The following ARHGAP26 variants were observed in gnomAD, a reference collection of about 807,000 sequenced individuals.
ARHGAP26 encodes the protein rho GTPase-activating protein 26.
In ARHGAP26, 38 loss-of-function variants were observed where a neutral mutation model predicts 104.8. The ratio of observed to expected loss-of-function variants is 0.36; its 90% CI spans 0.28 to 0.48. The LOEUF (loss-of-function observed/expected upper bound fraction) is 0.48, where lower values mean the gene tolerates loss of function less well. Among genes scored for constraint, ARHGAP26 ranks in the 20% least tolerant of loss-of-function variants. ARHGAP26 has a pLI of 0.99. For synonymous variants in ARHGAP26, 341 were observed against 340.0 expected, an observed-to-expected ratio of 1.00 and a Z score of -0.03; for missense variants, 704 against 947.9, an observed-to-expected ratio of 0.74 and a Z score of 3.38.
chr5:142,942,744 C>G (rs138589979), intron 11 of ARHGAP26, among the ~76,000 whole-genome samples: 6 of 152,252 alleles, frequency 3.9e-5, no homozygotes, highest in African/African-American at 1.4e-4. Flanking sequence ...TGATTAATGT[C>G]TGTCTGCCTG....
intron 1 of ARHGAP26, among the ~76,000 whole-genome samples, chr5:142,852,785 GACTT>G (rs1372771200): frequency 1.3e-5 from 2 of 152,190 alleles, no homozygotes; most frequent in Non-Finnish European, 2.9e-5. Context: ...GTAAGTTGGT[GACTT>G]ACTTACGTTC....
intron 1 of ARHGAP26, among the ~76,000 whole-genome samples, chr5:142,872,433 A>G (rs962945258): frequency 1.3e-5 from 2 of 152,026 alleles, no homozygotes; most frequent in Admixed American, 6.6e-5. Context: ...TTCCCCTTCA[A>G]TGAGGGAACC....
At chr5:142,868,455 G>C (rs1360723587) in intron 1 of ARHGAP26, among the ~76,000 whole-genome samples, 1 of 152,152 alleles carries the variant, frequency 6.6e-6, no homozygotes, top group Non-Finnish European at 1.5e-5. Flanking sequence ...ACGGACAAAA[G>C]TGGATGTGGG....
chr5:143,124,360 T>C (rs1414262626), intron 18 of ARHGAP26, among the ~76,000 whole-genome samples: 1 of 152,250 alleles, frequency 6.6e-6, no homozygotes, highest in East Asian at 1.9e-4. Flanking sequence ...TCTATTGCTA[T>C]ATAGCAAATC....
At position 142,841,608 on chromosome 5, in the gene ARHGAP26, CTG is replaced by C. The variant is rs780528452; in HGVS notation, c.155-31790_155-31789del. On this transcript the variant is annotated intron_variant, in intron 1 of 22. Coordinates refer to ENST00000645722, the MANE Select transcript of ARHGAP26 (RefSeq NM_001135608.3). ...CTCCGAGCCCCAGGTCTGATGGAAA[CTG>C]TAGATTTCTTGGCTCTGCTGAAAGC... Among the ~76,000 whole-genome samples, 28 of 152,210 alleles carry C rather than the reference CTG, an allele frequency of 1.8e-4. 1 individual carries two copies. Among genetic ancestry groups the C allele is most frequent in the Non-Finnish European group, 3.1e-4 (21 of 68,026 alleles).
intron 1 of ARHGAP26, among the ~76,000 whole-genome samples, chr5:142,860,957 T>C (rs991450518): frequency 2.0e-5 from 3 of 152,164 alleles, no homozygotes; most frequent in Non-Finnish European, 4.4e-5. Context: ...GAGATTTTGA[T>C]TGAGGGTGGG....
At chr5:142,823,131 G>A (rs1766523653) in intron 1 of ARHGAP26, among the ~76,000 whole-genome samples, 1 of 152,180 alleles carries the variant, frequency 6.6e-6, no homozygotes, top group African/African-American at 2.4e-5. Flanking sequence ...AAGTAACTTG[G>A]TCAGTGTCAT....
intron 17 of ARHGAP26, among the ~76,000 whole-genome samples, chr5:143,091,290 C>T (rs1437378913): frequency 6.6e-6 from 1 of 152,148 alleles, no homozygotes; most frequent in Admixed American, 6.5e-5. Flanking sequence ...TCTTTCCACC[C>T]TTTGATGAGA....
intron 20 of ARHGAP26, among the ~76,000 whole-genome samples, chr5:143,187,975 C>T (rs144420990): frequency 2.6e-5 from 4 of 152,322 alleles, no homozygotes; most frequent in Non-Finnish European, 5.9e-5. Context: ...AAAATGAGAG[C>T]ATTCCATCTC....
chr5:143,200,022 T>C, intron 20 of ARHGAP26, among the ~76,000 whole-genome samples: 1 of 152,186 alleles, frequency 6.6e-6, no homozygotes, highest in East Asian at 1.9e-4. Flanking sequence ...CTTGTCAAAA[T>C]GCCCTTTGGA....
chr5:142,986,014 A>G (rs1009053264), intron 11 of ARHGAP26, among the ~76,000 whole-genome samples: 1 of 152,170 alleles, frequency 6.6e-6, no homozygotes, highest in African/African-American at 2.4e-5. Context: ...TTCCTTTGGT[A>G]TATACCCAGT....
At chr5:142,852,568 A>G (rs1353528265) in intron 1 of ARHGAP26, among the ~76,000 whole-genome samples, 1 of 152,186 alleles carries the variant, frequency 6.6e-6, no homozygotes, top group Non-Finnish European at 1.5e-5. Flanking sequence ...ATGGCTTGTA[A>G]CAGTCGGGAT....
chr5:142,955,343 G>A (rs943032540), intron 11 of ARHGAP26, among the ~76,000 whole-genome samples: 1 of 152,074 alleles, frequency 6.6e-6, no homozygotes, highest in African/African-American at 2.4e-5. Context: ...ACAAAACAAA[G>A]AAGATGCATT....
At chr5:143,182,317 A>G (rs1804502189) in intron 20 of ARHGAP26, among the ~76,000 whole-genome samples, 1 of 152,174 alleles carries the variant, frequency 6.6e-6, no homozygotes, top group Admixed American at 6.5e-5. Context: ...ACAGTTCATC[A>G]TCTGCTGAAG....
At chr5:143,124,636 G>A (rs1164296735) in intron 18 of ARHGAP26, among the ~76,000 whole-genome samples, 1 of 152,208 alleles carries the variant, frequency 6.6e-6, no homozygotes, top group Non-Finnish European at 1.5e-5. Context: ...AGTTCCAAGA[G>A]GGCAAACACA....
At chr5:142,809,695 TCTTAA>T (rs1332272890) in intron 1 of ARHGAP26, among the ~76,000 whole-genome samples, 2 of 152,212 alleles carry the variant, frequency 1.3e-5, no homozygotes, top group Non-Finnish European at 2.9e-5. Context: ...CTTTCCCTCC[TCTTAA>T]CTTCTGCCAG....
chr5:143,178,027 T>C (rs1403307591), intron 20 of ARHGAP26, among the ~76,000 whole-genome samples: 1 of 122,346 alleles, frequency 8.2e-6, no homozygotes, highest in Non-Finnish European at 1.6e-5. Context: ...TGAGACAGCA[T>C]CTCACTCTGT....
intron 20 of ARHGAP26, among the ~76,000 whole-genome samples, chr5:143,192,184 T>A (rs1295859659): frequency 6.6e-6 from 1 of 152,206 alleles, no homozygotes; most frequent in African/African-American, 2.4e-5. Context: ...CCTTGAAGAT[T>A]CCAAGGAGAA....
At chr5:143,212,258 A>G (rs779617139) in intron 21 of ARHGAP26, among the ~76,000 whole-genome samples, 5 of 151,788 alleles carry the variant, frequency 3.3e-5, no homozygotes, top group African/African-American at 4.8e-5. Flanking sequence ...TGTCAGTGTC[A>G]TAACAGGCTC....
Sources: gnomAD v4.1 joint callset for allele counts (sites outside exome capture counted in the v4.1 genomes callset) on GRCh38, gnomAD v4.1.1 for gene constraint, MANE v1.5 for transcripts, NCBI Gene and HGNC (gene_info 2026-07-23, HGNC 2026-07-21) for gene names.